Variants in ARID5B observed in about 807,000 individuals in gnomAD.
ARID5B encodes AT-rich interaction domain 5B.
Under a neutral mutation model 97.2 loss-of-function variants are expected in ARID5B, and 13 were observed. That is an observed-to-expected ratio of 0.13 (90% confidence interval 0.09 to 0.21). The LOEUF (loss-of-function observed/expected upper bound fraction) is 0.21, where lower values mean the gene tolerates loss of function less well. Ranked by LOEUF, ARID5B falls within the 10% of genes least tolerant of loss-of-function variation. The probability of loss-of-function intolerance (pLI) is 1.00; values close to 1 mark genes in which losing one functional copy is unlikely to be tolerated. For missense variants in ARID5B, 1,210 were observed against 1,465.3 expected, an observed-to-expected ratio of 0.83 and a Z score of 2.84; for synonymous variants, 556 against 570.3, an observed-to-expected ratio of 0.97 and a Z score of 0.36.
chr10:62,072,334 T>G (rs4948295), intron 8 of ARID5B, among the ~76,000 whole-genome samples: 151,586 of 152,326 alleles, frequency 1, 75,430 homozygotes, highest in Middle Eastern at 1. Flanking sequence ...AGTTGACACT[T>G]ATGTGAACAA....
Position 61,902,229 on chromosome 10 carries a change from G to A in ARID5B, c.92G>A (p.Gly31Asp). The change falls in exon 2 of 10, where the codon GGC becomes GAC. Residue 31 changes from glycine to aspartate, a missense_variant. Physicochemically the swap from Gly to Asp is moderately conservative, Grantham distance 94. Coordinates refer to ENST00000279873, the MANE Select transcript of ARID5B (RefSeq NM_032199.3). ...FYKAFQFHLE[G>D]KPRILSLGDF... is the part of the protein sequence containing the mutation. ...AAGGCTTTTCAATTCCACCTTGAAG[G>A]CAAACCAAGAATTTTGTCCCTTGGC... 1 of 1,613,932 alleles carries A rather than the reference G, an allele frequency of 6.2e-7. No individual in the cohort carries two copies. The highest frequency in any genetic ancestry group is 8.5e-7 in the Non-Finnish European group (1 of 1,180,020).
At chr10:62,012,526 C>T (rs567989203) in intron 4 of ARID5B, among the ~76,000 whole-genome samples, 2 of 152,128 alleles carry the variant, frequency 1.3e-5, no homozygotes, top group Non-Finnish European at 2.9e-5. Flanking sequence ...CAGAGCGAGA[C>T]CCTGTCTCTA....
At chr10:61,982,907 T>G (rs557078091) in intron 3 of ARID5B, among the ~76,000 whole-genome samples, 1 of 152,356 alleles carries the variant, frequency 6.6e-6, no homozygotes, top group Non-Finnish European at 1.5e-5. Context: ...ATGTTGCTTT[T>G]TAATTTAGAA....
intron 5 of ARID5B, among the ~76,000 whole-genome samples, chr10:62,055,679 C>T (rs578039253): frequency 6.6e-6 from 1 of 152,198 alleles, no homozygotes; most frequent in South Asian, 2.1e-4. Context: ...TTCCATAGCC[C>T]CTTAAAAGTT....
chr10:61,976,548 T>C (rs931586866), intron 3 of ARID5B, among the ~76,000 whole-genome samples: 5 of 152,194 alleles, frequency 3.3e-5, no homozygotes, highest in African/African-American at 1.2e-4. Context: ...TTAGAGTGTA[T>C]GCTGTTGAAA....
At chr10:61,966,917 C>G (rs1838553195) in intron 3 of ARID5B, among the ~76,000 whole-genome samples, 1 of 152,036 alleles carries the variant, frequency 6.6e-6, no homozygotes, top group Admixed American at 6.6e-5. Context: ...CATTTTTTAT[C>G]CTGGACCTAT....
chr10:61,902,506 T>C (rs897310315), intron 2 of ARID5B, 93 bp downstream of exon 2: 1 of 1,506,306 alleles, frequency 6.6e-7, no homozygotes, highest in Non-Finnish European at 9.0e-7. Flanking sequence ...CTGTATTCAC[T>C]TCTGCAGGCA....
At chr10:61,931,553 G>A (rs892349857) in intron 2 of ARID5B, among the ~76,000 whole-genome samples, 20 of 152,080 alleles carry the variant, frequency 1.3e-4, no homozygotes, top group African/African-American at 3.4e-4. Flanking sequence ...ACACTATTAC[G>A]AGAATTTTAA....
intron 8 of ARID5B, among the ~76,000 whole-genome samples, chr10:62,078,477 G>A (rs1840167395): frequency 6.6e-6 from 1 of 152,150 alleles, no homozygotes; most frequent in South Asian, 2.1e-4. Flanking sequence ...AAACAGTATT[G>A]GGTTTATTAT....
chr10:61,908,799 C>CTAAA (rs1843748010), intron 2 of ARID5B, among the ~76,000 whole-genome samples: 1 of 50,994 alleles, frequency 2.0e-5, no homozygotes. Flanking sequence ...GACTCCATCT[C>CTAAA]AAAAAAAAAA....
intron 6 of ARID5B, among the ~76,000 whole-genome samples, chr10:62,057,950 TGATTTTGCAACC>T (rs1403823794): frequency 1.2e-4 from 19 of 152,198 alleles, no homozygotes; most frequent in Non-Finnish European, 2.6e-4. Context: ...GATCCTGCCT[TGATTTTGCAACC>T]GAATATATAT....
intron 8 of ARID5B, among the ~76,000 whole-genome samples, chr10:62,071,120 C>T (rs1840058596): frequency 6.8e-6 from 1 of 146,746 alleles, no homozygotes; most frequent in African/African-American, 2.5e-5. Context: ...ACTGCAACCT[C>T]TGCCTCCCAG....
intron 2 of ARID5B, among the ~76,000 whole-genome samples, chr10:61,906,847 C>T (rs577640573): frequency 7.9e-5 from 12 of 152,322 alleles, no homozygotes; most frequent in African/African-American, 2.9e-4. Context: ...CTCTCTGTGC[C>T]TCCGTTTTCT....
chr10:62,064,827 G>A (rs917801565), intron 7 of ARID5B, among the ~76,000 whole-genome samples: 1 of 152,148 alleles, frequency 6.6e-6, no homozygotes, highest in Non-Finnish European at 1.5e-5. Flanking sequence ...AGGCTGGAGT[G>A]CAGTGGCATG....
At position 62,059,274 on chromosome 10, in the gene ARID5B, A is replaced by G. The variant is rs1358378678; in HGVS notation, c.1080A>G (p.Gln360=). The change falls in exon 7 of 10, where the codon CAA becomes CAG. Residue 360 remains glutamine, a synonymous_variant. Transcript: ENST00000279873. ...INLWTMFQAA[Q]KLGGYETITA... ...TTTGGACTATGTTTCAAGCTGCTCA[A>G]AAACTGGGAGGATATGAAACAGTAA... The G allele has an allele frequency of 6.2e-7, 1 of 1,612,310 alleles. No individual in the cohort carries two copies. The highest frequency in any genetic ancestry group is 1.7e-5 in the Admixed American group (1 of 59,880).
At chr10:61,928,034 G>A (rs1844137578) in intron 2 of ARID5B, among the ~76,000 whole-genome samples, 2 of 152,246 alleles carry the variant, frequency 1.3e-5, no homozygotes, top group South Asian at 4.2e-4. Flanking sequence ...GAAGTGTGGA[G>A]GCAGGTATTT....
chr10:62,053,191 T>TAG (rs1226548338), intron 5 of ARID5B, among the ~76,000 whole-genome samples: 1 of 152,204 alleles, frequency 6.6e-6, no homozygotes, highest in Non-Finnish European at 1.5e-5. Flanking sequence ...AGCAGCATCT[T>TAG]AGAGGACAGT....
In ARID5B at chr10:62,038,928, C is replaced by T. The variant is rs556973397; in HGVS notation, c.734-11960C>T. On this transcript the variant is annotated intron_variant, in intron 4 of 9. Coordinates refer to ENST00000279873, the MANE Select transcript of ARID5B (RefSeq NM_032199.3). ...TTGAACTTGTTAAGGATTTATTTCT[C>T]CACCTTCCGATTGCCATACATGCAG... Among the ~76,000 whole-genome samples, 49 of 152,294 alleles carry T rather than the reference C, an allele frequency of 3.2e-4. No homozygotes were observed. The South Asian group carries it at 9.7e-3, about 30-fold the overall frequency.
intron 3 of ARID5B, among the ~76,000 whole-genome samples, chr10:61,986,611 T>C (rs966192463): frequency 6.6e-6 from 1 of 152,116 alleles, no homozygotes; most frequent in African/African-American, 2.4e-5. Context: ...AAGCAGCATC[T>C]TCCCCCCTGT....
Sources: gnomAD v4.1 joint callset for allele counts (sites outside exome capture counted in the v4.1 genomes callset) on GRCh38, gnomAD v4.1.1 for gene constraint, MANE v1.5 for transcripts, NCBI Gene and HGNC (gene_info 2026-07-23, HGNC 2026-07-21) for gene names.